Variants in DPP10 observed in about 807,000 individuals in gnomAD.
The protein encoded by DPP10 is inactive dipeptidyl peptidase 10.
Under a neutral mutation model 120.9 loss-of-function variants are expected in DPP10, and 33 were observed. That is an observed-to-expected ratio of 0.27 (90% CI 0.21 to 0.37). The LOEUF is 0.37. Among genes scored for constraint, DPP10 ranks in the 10% least tolerant of loss-of-function variants. The probability of loss-of-function intolerance (pLI) is 1.00; values close to 1 mark genes in which losing one functional copy is unlikely to be tolerated. For missense variants in DPP10, 816 were observed against 942.8 expected (o/e 0.87, Z 1.76); for synonymous variants, 337 against 326.1 (o/e 1.03, Z -0.36).
chr2:115,825,498 A>AT (rs1373647292), intron 21 of DPP10, among the ~76,000 whole-genome samples: 2 of 152,192 alleles, frequency 1.3e-5, no homozygotes, highest in Middle Eastern at 3.4e-3. Flanking sequence ...GTTTTATTTG[A>AT]TTTTTTTGTT....
intron 24 of DPP10, among the ~76,000 whole-genome samples, chr2:115,837,950 C>CACAGGAAA (rs1689705080): frequency 6.6e-6 from 1 of 151,728 alleles, no homozygotes; most frequent in Admixed American, 6.6e-5. Context: ...AGAAAGGGTA[C>CACAGGAAA]ACAGGAAAAC....
At chr2:114,988,832 A>G (rs1362325642) in intron 1 of DPP10, among the ~76,000 whole-genome samples, 1 of 152,192 alleles carries the variant, frequency 6.6e-6, no homozygotes, top group African/African-American at 2.4e-5. Flanking sequence ...ATAATTGCTA[A>G]ACGGGTGAAA....
intron 3 of DPP10, among the ~76,000 whole-genome samples, chr2:115,372,191 TCTC>T (rs947959890): frequency 2.6e-5 from 4 of 152,256 alleles, no homozygotes; most frequent in African/African-American, 9.6e-5. Flanking sequence ...GAAATATTAT[TCTC>T]AATATGAATT....
At chr2:115,656,711 A>G (rs1238770195) in intron 5 of DPP10, among the ~76,000 whole-genome samples, 1 of 151,768 alleles carries the variant, frequency 6.6e-6, no homozygotes, top group Non-Finnish European at 1.5e-5. Flanking sequence ...ATTTGTTACC[A>G]GCGGGAGAAA....
chr2:115,475,892 G>A (rs77685450), intron 3 of DPP10, among the ~76,000 whole-genome samples: 42 of 152,170 alleles, frequency 2.8e-4, no homozygotes, highest in Non-Finnish European at 5.0e-4. Context: ...ATTTTGGAAA[G>A]GGAATATTTA....
chr2:115,366,640 C>T (rs2065094589), intron 3 of DPP10, among the ~76,000 whole-genome samples: 1 of 151,902 alleles, frequency 6.6e-6, no homozygotes, highest in African/African-American at 2.4e-5. Context: ...TTTATTTGTT[C>T]CTGTTTGTCT....
intron 9 of DPP10, among the ~76,000 whole-genome samples, chr2:115,740,133 C>T (rs1476525573): frequency 6.6e-6 from 1 of 151,908 alleles, no homozygotes; most frequent in Non-Finnish European, 1.5e-5. Context: ...CCTTTTGATG[C>T]TCACTTTTAT....
chr2:114,825,852 T>C (rs899436735), intron 1 of DPP10, among the ~76,000 whole-genome samples: 2 of 152,148 alleles, frequency 1.3e-5, no homozygotes, highest in Admixed American at 6.5e-5. Context: ...GTAAAAACTG[T>C]AAGGTTGTGA....
At chr2:115,581,848 C>T (rs188998958) in intron 5 of DPP10, among the ~76,000 whole-genome samples, 226 of 152,190 alleles carry the variant, frequency 1.5e-3, no homozygotes, top group Non-Finnish European at 2.5e-3. Flanking sequence ...GTGTTCACCA[C>T]AAATTACAAA....
At chr2:114,960,801 G>A (rs1698555601) in intron 1 of DPP10, among the ~76,000 whole-genome samples, 1 of 152,076 alleles carries the variant, frequency 6.6e-6, no homozygotes, top group South Asian at 2.1e-4. Context: ...GCATTCTTCT[G>A]TCAAGTGGAC....
chr2:114,883,578 A>G (rs1224785462), intron 1 of DPP10, among the ~76,000 whole-genome samples: 1 of 152,190 alleles, frequency 6.6e-6, no homozygotes, highest in Non-Finnish European at 1.5e-5. Context: ...CTTTCAATGT[A>G]TTAGTAAAAT....
intron 1 of DPP10, among the ~76,000 whole-genome samples, chr2:114,506,344 C>A (rs953163104): frequency 1.3e-5 from 2 of 152,196 alleles, no homozygotes; most frequent in Non-Finnish European, 2.9e-5. Context: ...CCTCCATCCC[C>A]TTTCCAGCTC....
At chr2:115,272,512 C>A (rs1372704133) in intron 1 of DPP10, among the ~76,000 whole-genome samples, 3 of 152,290 alleles carry the variant, frequency 2.0e-5, no homozygotes, top group Non-Finnish European at 4.4e-5. Flanking sequence ...ATCAAGATTA[C>A]TTGTTAATTT....
At chr2:115,342,352 A>G (rs2063493219) in intron 2 of DPP10, among the ~76,000 whole-genome samples, 1 of 151,986 alleles carries the variant, frequency 6.6e-6, no homozygotes, top group Non-Finnish European at 1.5e-5. Flanking sequence ...GACCTCAGAC[A>G]TGCACCACCA....
At chr2:114,962,639 G>A (rs1411780022) in intron 1 of DPP10, among the ~76,000 whole-genome samples, 2 of 152,114 alleles carry the variant, frequency 1.3e-5, no homozygotes, top group African/African-American at 2.4e-5. Flanking sequence ...TACGATGTCT[G>A]CCCTTTGAGA....
intron 1 of DPP10, among the ~76,000 whole-genome samples, chr2:114,528,205 G>GAGACACT (rs1407067416): frequency 6.6e-6 from 1 of 152,150 alleles, no homozygotes; most frequent in African/African-American, 2.4e-5. Flanking sequence ...GGTTACAGAG[G>GAGACACT]AGACACTGCC....
chr2:114,515,519 A>G (rs1425923012), intron 1 of DPP10, among the ~76,000 whole-genome samples: 1 of 109,332 alleles, frequency 9.1e-6, no homozygotes, highest in African/African-American at 3.3e-5. Flanking sequence ...GTAGGTCTCA[A>G]ATAAAGGTGC....
chr2:115,349,003 T>C (rs2063855909), intron 3 of DPP10, among the ~76,000 whole-genome samples: 1 of 152,136 alleles, frequency 6.6e-6, no homozygotes, highest in African/African-American at 2.4e-5. Context: ...AGCCCTTTCC[T>C]AGGAGACTAT....
chr2:115,428,317 A>G (rs931514664), intron 3 of DPP10, among the ~76,000 whole-genome samples: 2 of 152,158 alleles, frequency 1.3e-5, no homozygotes, highest in Non-Finnish European at 2.9e-5. Flanking sequence ...ACAATGCCCT[A>G]TGCCTTGGTA....
Sources: gnomAD v4.1 joint callset for allele counts (sites outside exome capture counted in the v4.1 genomes callset) on GRCh38, gnomAD v4.1.1 for gene constraint, MANE v1.5 for transcripts, NCBI Gene and HGNC (gene_info 2026-07-23, HGNC 2026-07-21) for gene names.